The following BICD1 variants were observed in gnomAD, a reference collection of about 807,000 sequenced individuals.
The protein encoded by BICD1 is BICD cargo adaptor 1.
A neutral mutation model predicts 92.5 loss-of-function variants in BICD1; 35 were observed. The ratio of observed to expected loss-of-function variants is 0.38; its 90% CI spans 0.29 to 0.50. The LOEUF (loss-of-function observed/expected upper bound fraction) is 0.50. Ranked by LOEUF, BICD1 falls within the 20% of genes least tolerant of loss-of-function variation. The pLI, the probability that BICD1 is intolerant of heterozygous loss-of-function variation, is 0.93. For synonymous variants in BICD1, 429 were observed against 465.1 expected, an observed-to-expected ratio of 0.92 and a Z score of 1.00; for missense variants, 950 against 1,189.8, an observed-to-expected ratio of 0.80 and a Z score of 2.97.
chr12:32,112,684 A>G (rs1443138803), intron 1 of BICD1, among the ~76,000 whole-genome samples: 1 of 152,188 alleles, frequency 6.6e-6, no homozygotes, highest in Non-Finnish European at 1.5e-5. Context: ...GAATGCACGT[A>G]AAGTCAAGTG....
rs1390339769 is a variant in BICD1, at chr12:32,382,782, G to T, written c.*5155G>T. ...GTAAATATGTTTTTCTTTTTAAAAA[G>T]TCATTTTAAAACAAAGATGAGAGAA... On this transcript the variant is annotated 3_prime_UTR_variant, in exon 10 of 10. Coordinates refer to ENST00000652176, the MANE Select transcript of BICD1 (RefSeq NM_001714.4). 1 of 150,770 alleles carries T rather than the reference G, an allele frequency of 6.6e-6. No homozygotes were observed. Among genetic ancestry groups the T allele is most frequent in the South Asian group, 2.1e-4 (1 of 4,778 alleles). 9.3% of individuals were successfully genotyped at this position (150,770 alleles called of 1,614,324 possible).
At chr12:32,185,597 T>C (rs1944405222) in intron 1 of BICD1, among the ~76,000 whole-genome samples, 1 of 152,194 alleles carries the variant, frequency 6.6e-6, no homozygotes, top group Non-Finnish European at 1.5e-5. Context: ...AAGCAGCACA[T>C]GTCATGGCAC....
chr12:32,309,123 C>T (rs1192137817), intron 4 of BICD1, among the ~76,000 whole-genome samples: 1 of 151,702 alleles, frequency 6.6e-6, no homozygotes, highest in Non-Finnish European at 1.5e-5. Flanking sequence ...TTTTCCTTAG[C>T]CACACATCTT....
chr12:32,362,027 G>A (rs947099115), intron 8 of BICD1, among the ~76,000 whole-genome samples: 6 of 152,212 alleles, frequency 3.9e-5, no homozygotes, highest in South Asian at 2.1e-4. Flanking sequence ...ACAGCCACCA[G>A]TGGGCTCCTG....
Position 32,328,182 on chromosome 12 carries a change from C to T in BICD1, c.1727C>T (p.Thr576Ile). 6.2e-7 allele frequency: 1 copy of T among 1,614,106 alleles called. No homozygotes were observed. Among genetic ancestry groups the T allele is most frequent in the Non-Finnish European group, 8.5e-7 (1 of 1,180,002 alleles). ...GTGTCATCCCCGGTAGAAACAAGGA[C>T]CTCATCTGAACCAGTTGCAAAAGAA... The part of the protein sequence containing the change: ...RGVSSPVETR[T>I]SSEPVAKEST... The change falls in exon 5 of 10, where the codon ACC becomes ATC. Residue 576 changes from threonine to isoleucine, a missense_variant. Physicochemically the swap from Thr to Ile is moderately conservative, Grantham distance 89. Coordinates refer to ENST00000652176, the MANE Select transcript of BICD1 (RefSeq NM_001714.4). The surrounding 1 kb of genome is among the most constrained non-coding windows in gnomAD (Gnocchi z 4.4).
chr12:32,340,135 C>G (rs1938308614), intron 8 of BICD1: 1 of 985,128 alleles, frequency 1.0e-6, no homozygotes, highest in Admixed American at 6.2e-5. Flanking sequence ...CAAACCTCAG[C>G]CTTTGGATCT....
chr12:32,335,096 G>A (rs904443466), intron 6 of BICD1, among the ~76,000 whole-genome samples: 3 of 152,086 alleles, frequency 2.0e-5, no homozygotes, highest in Non-Finnish European at 4.4e-5. Flanking sequence ...TTAGTACTGT[G>A]CGAGAAGATA....
chr12:32,163,340 A>G (rs1943655099), intron 1 of BICD1, among the ~76,000 whole-genome samples: 2 of 152,118 alleles, frequency 1.3e-5, no homozygotes, highest in Admixed American at 1.3e-4. Flanking sequence ...AATGATATAA[A>G]TTCTTATTTC....
intron 8 of BICD1, among the ~76,000 whole-genome samples, chr12:32,341,981 T>G (rs1163763140): frequency 6.6e-6 from 1 of 151,742 alleles, no homozygotes; most frequent in Non-Finnish European, 1.5e-5. Flanking sequence ...TGGGAAATAG[T>G]AGATTTTATG....
At position 32,148,341 on chromosome 12, in the gene BICD1, G is replaced by A. The variant is rs76918698; in HGVS notation, c.213+40797G>A. 3.8e-3 allele frequency among the ~76,000 whole-genome samples: 572 copies of A among 152,118 alleles called. 1 individual carries two copies. The highest frequency in any genetic ancestry group is 0.013 in the African/African-American group (538 of 41,496). ...TACTGATTCTGATTCCATGTTCCCC[G>A]CAACAGGCACCCGGTAAACTGGCTT... On this transcript the variant is annotated intron_variant, in intron 1 of 9. Coordinates refer to ENST00000652176, the MANE Select transcript of BICD1 (RefSeq NM_001714.4).
intron 2 of BICD1, among the ~76,000 whole-genome samples, chr12:32,271,441 T>C (rs1229510420): frequency 6.6e-6 from 1 of 152,204 alleles, no homozygotes; most frequent in East Asian, 1.9e-4. Context: ...TACTGACCTT[T>C]TGTTATAGAT....
intron 1 of BICD1, among the ~76,000 whole-genome samples, chr12:32,171,845 A>T (rs1397983677): frequency 6.6e-6 from 1 of 151,728 alleles, no homozygotes; most frequent in East Asian, 1.9e-4. Flanking sequence ...GAGGCAGGAG[A>T]ATTGCTTGAA....
At chr12:32,173,730 A>G (rs565550081) in intron 1 of BICD1, among the ~76,000 whole-genome samples, 2 of 152,326 alleles carry the variant, frequency 1.3e-5, no homozygotes, top group South Asian at 4.1e-4. Flanking sequence ...CACTTAATTT[A>G]CTTTGATTTT....
intron 9 of BICD1, among the ~76,000 whole-genome samples, chr12:32,370,034 T>C (rs1165274315): frequency 6.6e-6 from 1 of 152,212 alleles, no homozygotes; most frequent in Non-Finnish European, 1.5e-5. Context: ...GAAAGGTTTT[T>C]CGCTAATGCC....
At chr12:32,238,640 T>C (rs59262934) in intron 2 of BICD1, among the ~76,000 whole-genome samples, 8,216 of 152,222 alleles carry the variant, frequency 0.054, 718 homozygotes, top group African/African-American at 0.19. Flanking sequence ...GCAAAATTAA[T>C]TTTCTTATTT....
chr12:32,230,846 G>C (rs1461261535), intron 2 of BICD1, among the ~76,000 whole-genome samples: 2 of 142,100 alleles, frequency 1.4e-5, no homozygotes, highest in Non-Finnish European at 3.1e-5. Flanking sequence ...TTCTGTTAAA[G>C]GAAGGTGCAT....
At chr12:32,188,779 G>A (rs1367053278) in intron 1 of BICD1, among the ~76,000 whole-genome samples, 1 of 151,598 alleles carries the variant, frequency 6.6e-6, no homozygotes, top group Admixed American at 6.6e-5. Context: ...CCAGGATGGA[G>A]TGCAGTGGTG....
chr12:32,345,466 C>T (rs1296556583), intron 8 of BICD1, among the ~76,000 whole-genome samples: 3 of 151,900 alleles, frequency 2.0e-5, no homozygotes, highest in African/African-American at 7.3e-5. Flanking sequence ...TGTATTTTTC[C>T]AGAAACATTC....
At chr12:32,133,344 C>T (rs1449183906) in intron 1 of BICD1, among the ~76,000 whole-genome samples, 4 of 151,866 alleles carry the variant, frequency 2.6e-5, no homozygotes, top group African/African-American at 9.7e-5. Context: ...AAAAATTAGC[C>T]GGGTATGGTG....
Sources: allele counts gnomAD v4.1 joint callset (sites outside exome capture counted in the v4.1 genomes callset), GRCh38; gene constraint gnomAD v4.1.1; non-coding constraint Gnocchi (gnomAD v3.1); transcripts MANE v1.5; gene names NCBI Gene and HGNC (gene_info 2026-07-23, HGNC 2026-07-21).